The following SET variants were observed in gnomAD, a reference collection of about 807,000 sequenced individuals.
SET encodes the protein SET nuclear proto-oncogene.
In SET, 4 loss-of-function variants were observed where a neutral mutation model predicts 39.0. That is an observed-to-expected ratio of 0.10 (90% CI 0.05 to 0.23). SET has a LOEUF of 0.23. Ranked by LOEUF, SET falls within the 10% of genes least tolerant of loss-of-function variation. SET has a pLI of 1.00. For synonymous variants in SET, 114 were observed against 115.9 expected (o/e 0.98, Z 0.11); for missense variants, 137 against 329.7 (o/e 0.42, Z 4.53).
chr9:128,692,326 G>A (rs185517088), intron 3 of SET: 24 of 294,590 alleles, frequency 8.1e-5, no homozygotes, highest in African/African-American at 4.9e-4. Flanking sequence ...GAACCCAGGA[G>A]GGGGAGGTTG....
chr9:128,692,768 A>T lies in SET; in HGVS notation c.378+3A>T, dbSNP rs944902939. The T allele has an allele frequency of 6.3e-7, 1 of 1,584,106 alleles. No individual in the cohort carries two copies. Among genetic ancestry groups the T allele is most frequent in the African/African-American group, 1.3e-5 (1 of 74,430 alleles). ...AATCAGGTTACAGAATAGATTTTGT[A>T]AGTATCTCTAACTTAATCTTGTTTG... On this transcript the variant is annotated splice_donor_region_variant and intron_variant, in intron 4 of 7. Transcript: ENST00000322030.
In SET at chr9:128,692,775, T is replaced by G. The variant is rs778182925; in HGVS notation, c.378+10T>G. Reference sequence around the variant, plus strand: ...TTACAGAATAGATTTTGTAAGTATCTCTAACTTAATCTTGTTTGCCACTGT... The same window carrying G: ...TTACAGAATAGATTTTGTAAGTATCGCTAACTTAATCTTGTTTGCCACTGT... On this transcript the variant is annotated intron_variant, in intron 4 of 7. Transcript: ENST00000322030. 5 of 1,570,082 alleles carry G rather than the reference T, an allele frequency of 3.2e-6. No individual in the cohort carries two copies. The Admixed American group carries it at 6.7e-5, about 21-fold the overall frequency.
rs768759521 is a variant in SET at position 128,693,933 on chromosome 9, A to G, written c.701A>G (p.Glu234Gly). The change falls in exon 7 of 8, where the codon GAA becomes GGA. Residue 234 changes from glutamate to glycine, a missense_variant. Coordinates refer to ENST00000322030, the MANE Select transcript of SET (RefSeq NM_003011.4). ...GATGATGAAGAAGGAGAAGGAGAAGAAGATGATGATGATGATGAAGAGGAG... is the reference window on the plus strand; with the variant it reads ...GATGATGAAGAAGGAGAAGGAGAAGGAGATGATGATGATGATGAAGAGGAG... ...DMDDEEGEGE[E>G]DDDDDEEEEG... 3 of 1,580,466 alleles carry G rather than the reference A, an allele frequency of 1.9e-6. No homozygotes were observed. Among genetic ancestry groups the G allele is most frequent in the South Asian group, 2.2e-5 (2 of 90,064 alleles).
chr9:128,689,522 GC>G lies in SET; in HGVS notation c.-56del. 7.4e-6 allele frequency: 6 copies of G among 809,538 alleles called. No homozygotes were observed. The highest frequency in any genetic ancestry group is 2.5e-5 in the South Asian group (1 of 40,162). 50.1% of individuals were successfully genotyped at this position (809,538 alleles called of 1,614,324 possible). A position where few individuals can be genotyped will look rare whatever the true frequency, so the allele number is the denominator to read the frequency against. On this transcript the variant is annotated 5_prime_UTR_variant, in exon 1 of 8. Coordinates refer to ENST00000322030, the MANE Select transcript of SET (RefSeq NM_003011.4). ...TGGCGTGAGGGGAAGCCGCTTGCCCGCCCCCTTCGCCTTCCCTTCTCTCCCC... is the reference window on the plus strand; with the variant it reads ...TGGCGTGAGGGGAAGCCGCTTGCCCGCCCCTTCGCCTTCCCTTCTCTCCCC...
chr9:128,683,669 C>T (rs762111997), exon 1 of SET: 24 of 461,600 alleles, frequency 5.2e-5, no homozygotes, highest in Non-Finnish European at 8.5e-5. Flanking sequence ...CCCTGCAGAG[C>T]GAGGCAGAGA....
Position 128,694,136 on chromosome 9 carries a change from G to T in SET, c.810+94G>T. The T allele has an allele frequency of 2.7e-6, 3 of 1,105,884 alleles. No homozygotes were observed. The South Asian group carries it at 6.9e-5, about 26-fold the overall frequency. 68.5% of individuals were successfully genotyped at this position (1,105,884 alleles called of 1,614,324 possible). On this transcript the variant is annotated intron_variant, in intron 7 of 7. Coordinates refer to ENST00000322030, the MANE Select transcript of SET (RefSeq NM_003011.4). ...TATATATATATAGTGTGGTAGAACTGACCAGAACTGATTGTGGAAAAAAAG... is the reference window on the plus strand; with the variant it reads ...TATATATATATAGTGTGGTAGAACTTACCAGAACTGATTGTGGAAAAAAAG...
chr9:128,692,637 G>A (rs760454895), intron 3 of SET, 25 bp from the exon 4 acceptor site: 5 of 1,485,880 alleles, frequency 3.4e-6, no homozygotes, highest in Non-Finnish European at 4.7e-6. Flanking sequence ...TGAAAATTCA[G>A]CTGACCTGTA....
Position 128,694,686 on chromosome 9 carries a change from ACCTT to A in SET, c.*27_*30del. The A allele has an allele frequency of 6.7e-7, 1 of 1,485,160 alleles. No homozygotes were observed. The allele number at this position is 1,485,160 out of a possible 1,614,324, so 92.0% of individuals were successfully genotyped here. On this transcript the variant is annotated 3_prime_UTR_variant, in exon 8 of 8. Transcript: ENST00000322030. Reference sequence around the variant, plus strand: ...CTAAATAGAACACTGATGGATTCCAACCTTCCTTTTTTTAAATTTTCTCCAGTCC... The same window carrying A: ...CTAAATAGAACACTGATGGATTCCAACCTTTTTTTAAATTTTCTCCAGTCC...
upstream of SET, among the ~76,000 whole-genome samples, chr9:128,684,680 G>C (rs1017824759): frequency 6.6e-6 from 1 of 151,654 alleles, no homozygotes; most frequent in Non-Finnish European, 1.5e-5. Flanking sequence ...TTGACCTCTT[G>C]GGACTCTACC....
exon 1 of SET, chr9:128,683,894 G>A (rs1381377715): frequency 6.5e-7 from 1 of 1,550,304 alleles, no homozygotes; most frequent in Non-Finnish European, 8.7e-7. Flanking sequence ...TTCCCTAACA[G>A]CATGGCCCCT....
At chr9:128,691,735 G>A in intron 2 of SET, 123 bp from the exon 3 acceptor site, 1 of 925,904 alleles carries the variant, frequency 1.1e-6, no homozygotes, top group East Asian at 2.7e-5. Flanking sequence ...AGGTGATAAT[G>A]GTTATTATAA....
chr9:128,684,394 T>A (rs1861218385), upstream of SET, among the ~76,000 whole-genome samples: 6 of 152,068 alleles, frequency 3.9e-5, no homozygotes, highest in South Asian at 1.2e-3. Context: ...TGTCCACCTC[T>A]CTCTCTGTTC....
chr9:128,691,307 A>C (rs139336636), intron 2 of SET, 80 bp downstream of exon 2: 13 of 875,244 alleles, frequency 1.5e-5, no homozygotes, highest in South Asian at 1.2e-4. Flanking sequence ...GCTATGGTCA[A>C]ATCTATCCAC....
rs1222337714 is a variant in SET at position 128,693,949 on chromosome 9, TGAA to T, written c.720_722del (p.Glu243del). ...AAGGAGAAGAAGATGATGATGATGA[TGAA>T]GAGGAGGAAGGATTAGAAGATATTG... is the stretch of plus-strand genomic sequence containing the variant. On this transcript the variant is annotated inframe_deletion, in exon 7 of 8. Transcript: ENST00000322030. The T allele has an allele frequency of 3.2e-6, 5 of 1,540,654 alleles. No homozygotes were observed. The highest frequency in any genetic ancestry group is 4.5e-6 in the Non-Finnish European group (5 of 1,115,340).
At chr9:128,690,915 T>C in intron 1 of SET, 1 of 534,612 alleles carries the variant, frequency 1.9e-6, no homozygotes, top group Non-Finnish European at 3.3e-6. Context: ...GATCGGTCTG[T>C]TGTAGTGAAA....
chr9:128,692,146 G>C, intron 3 of SET, 146 bp downstream of exon 3: 2 of 952,702 alleles, frequency 2.1e-6, no homozygotes, highest in Non-Finnish European at 3.1e-6. Context: ...CAGCACTTTG[G>C]GAGGCCGAGG....
At chr9:128,688,569 A>C (rs1441489065), upstream of SET, among the ~76,000 whole-genome samples, 2 of 152,182 alleles carry the variant, frequency 1.3e-5, no homozygotes, top group African/African-American at 4.8e-5. Context: ...TTCGAGTTTA[A>C]TGTGGCTTCA....
upstream of SET, among the ~76,000 whole-genome samples, chr9:128,685,585 G>C (rs543016092): frequency 1.0e-3 from 153 of 152,324 alleles, no homozygotes; most frequent in African/African-American, 3.3e-3. Context: ...ATCAGAACAG[G>C]AGGCTCAAAG....
At chr9:128,694,164 A>G in intron 7 of SET, 122 bp downstream of exon 7, 1 of 926,590 alleles carries the variant, frequency 1.1e-6, no homozygotes, top group Admixed American at 3.5e-5. Context: ...AAAAAAAGTA[A>G]GCCATTTTGT....
Sources: allele counts gnomAD v4.1 joint callset (sites outside exome capture counted in the v4.1 genomes callset), GRCh38; gene constraint gnomAD v4.1.1; transcripts MANE v1.5; gene names NCBI Gene and HGNC (gene_info 2026-07-23, HGNC 2026-07-21).